The following NEBL variants were observed in gnomAD, a reference collection of about 807,000 sequenced individuals.
NEBL encodes the protein LIM and SH3 protein 2.
In NEBL, 122 loss-of-function variants were observed where a neutral mutation model predicts 140.2. The observed-to-expected ratio is 0.87, with a 90% CI of 0.75 to 1.01. NEBL has a LOEUF of 1.01. Ranked by LOEUF, NEBL falls within the 50% of genes least tolerant of loss-of-function variation. NEBL has a pLI of 0.00. For synonymous variants in NEBL, 436 were observed against 398.9 expected, an observed-to-expected ratio of 1.09 and a Z score of -1.11; for missense variants, 1,365 against 1,231.3, an observed-to-expected ratio of 1.11 and a Z score of -1.62.
At chr10:21,133,484 C>A (rs1839209947) in intron 2 of NEBL, among the ~76,000 whole-genome samples, 3 of 152,160 alleles carry the variant, frequency 2.0e-5, no homozygotes, top group African/African-American at 7.2e-5. Flanking sequence ...CATCTTAATT[C>A]TACAGGCTGT....
rs180801266 is a variant in NEBL at position 20,790,543 on chromosome 10, A to G, written c.2762-3235T>C. On this transcript the variant is annotated intron_variant, in intron 26 of 27. Coordinates refer to ENST00000377122, the MANE Select transcript of NEBL (RefSeq NM_006393.3). The stretch of plus-strand genomic sequence containing the variant: ...TTGAACCCAGGAGGAGGAGGTTGCA[A>G]TGAACCGAGATCATGCCACTGCACT... 1.8e-3 allele frequency among the ~76,000 whole-genome samples: 278 copies of G among 151,364 alleles called. 1 individual carries two copies. Among genetic ancestry groups the G allele is most frequent in the Admixed American group, 3.4e-3 (52 of 15,190 alleles).
intron 1 of NEBL, among the ~76,000 whole-genome samples, chr10:21,284,138 AG>A (rs1843026368): frequency 7.5e-6 from 1 of 132,876 alleles, no homozygotes; most frequent in African/African-American, 2.8e-5. Context: ...AGAACCCAGG[AG>A]GCAGAGGTTA....
At chr10:21,175,442 T>A (rs1841277481), upstream of NEBL, among the ~76,000 whole-genome samples, 1 of 152,206 alleles carries the variant, frequency 6.6e-6, no homozygotes, top group African/African-American at 2.4e-5. Flanking sequence ...GCGCACAGAT[T>A]AAGACTCAAT....
At chr10:20,964,438 C>T (rs906129983) in intron 3 of NEBL, among the ~76,000 whole-genome samples, 1 of 152,140 alleles carries the variant, frequency 6.6e-6, no homozygotes, top group African/African-American at 2.4e-5. Flanking sequence ...CCTCAAGAAG[C>T]TTCCAATCAT....
chr10:20,941,669 G>T (rs1215357445), intron 4 of NEBL, among the ~76,000 whole-genome samples: 2 of 151,666 alleles, frequency 1.3e-5, no homozygotes, highest in South Asian at 2.1e-4. Flanking sequence ...TGACATGATT[G>T]TATATCTAGA....
intron 2 of NEBL, among the ~76,000 whole-genome samples, chr10:21,097,224 G>GGC (rs1364933752): frequency 6.7e-6 from 1 of 149,116 alleles, no homozygotes; most frequent in African/African-American, 2.5e-5. Context: ...AGGTCCGGGG[G>GGC]GGGGGTGGGG....
chr10:21,069,586 T>C (rs1469249599), intron 2 of NEBL, among the ~76,000 whole-genome samples: 14 of 152,220 alleles, frequency 9.2e-5, no homozygotes, highest in Admixed American at 9.2e-4. Flanking sequence ...CCTGAATCTC[T>C]TCATCCTTCC....
chr10:21,059,645 G>A (rs997127698), intron 2 of NEBL, among the ~76,000 whole-genome samples: 1 of 152,122 alleles, frequency 6.6e-6, no homozygotes, highest in African/African-American at 2.4e-5. Flanking sequence ...TTCACACCAA[G>A]TTATTTTATT....
intron 21 of NEBL, 27 bp from the exon 22 acceptor site, chr10:20,815,744 AATACT>A (rs1838663231): frequency 7.2e-7 from 1 of 1,395,588 alleles, no homozygotes; most frequent in Non-Finnish European, 1.0e-6. Flanking sequence ...CAAAAAATAG[AATACT>A]ATGAATCAAT....
intron 2 of NEBL, among the ~76,000 whole-genome samples, chr10:21,167,525 T>A (rs45578840): frequency 2.7e-4 from 41 of 152,308 alleles, no homozygotes; most frequent in Middle Eastern, 3.4e-3. Flanking sequence ...TAACTTGACA[T>A]TTGGTGAGAA....
intron 3 of NEBL, among the ~76,000 whole-genome samples, chr10:21,226,627 A>G (rs954399440): frequency 6.6e-6 from 1 of 152,110 alleles, no homozygotes; most frequent in Non-Finnish European, 1.5e-5. Flanking sequence ...AGATCTGCCT[A>G]TGTTGCTTTC....
chr10:21,126,480 A>C (rs1157379828), intron 2 of NEBL, among the ~76,000 whole-genome samples: 1 of 152,232 alleles, frequency 6.6e-6, no homozygotes, highest in Non-Finnish European at 1.5e-5. Context: ...AGGGAAAAAA[A>C]CAAAAATAGT....
chr10:20,814,010 C>G lies in NEBL; in HGVS notation c.2275G>C (p.Gly759Arg), dbSNP rs148179937. 7 of 1,609,900 alleles carry G rather than the reference C, an allele frequency of 4.3e-6. No individual in the cohort carries two copies. The highest frequency in any genetic ancestry group is 6.0e-6 in the Non-Finnish European group (7 of 1,176,394). The change falls in exon 23 of 28, where the codon GGT becomes CGT. Residue 759 changes from glycine to arginine, a missense_variant. Transcript: ENST00000377122. ...GTATCTAAAATCAGACTTGGTCTACCTTTCATCTGTTTATGGTCCTGGGTA... is the reference window on the plus strand; with the variant it reads ...GTATCTAAAATCAGACTTGGTCTACGTTTCATCTGTTTATGGTCCTGGGTA... The part of the protein sequence containing the change: ...KYTQDHKQMK[G>R]RPSLILDTPA...
chr10:21,045,405 G>T (rs908995029), intron 2 of NEBL, among the ~76,000 whole-genome samples: 2 of 152,160 alleles, frequency 1.3e-5, no homozygotes. Flanking sequence ...ATGCATAAAT[G>T]TCATTGACTC....
intron 2 of NEBL, among the ~76,000 whole-genome samples, chr10:21,145,638 A>T (rs1280696222): frequency 6.6e-6 from 1 of 152,202 alleles, no homozygotes; most frequent in African/African-American, 2.4e-5. Context: ...GCACTCTGTA[A>T]GGATGAGGAA....
rs1564348713 is a variant in NEBL, at chr10:20,815,501, C to T, written c.2241+124G>A. On this transcript the variant is annotated intron_variant, in intron 22 of 27. Coordinates refer to ENST00000377122, the MANE Select transcript of NEBL (RefSeq NM_006393.3). The stretch of plus-strand genomic sequence containing the variant: ...GAAGTCATCTGAAATAACACATGTA[C>T]TTATTGGACACATCACAAATGTTTC... 7 of 783,760 alleles carry T rather than the reference C, an allele frequency of 8.9e-6. No individual in the cohort carries two copies. In the East Asian group the frequency reaches 1.8e-4, roughly 20 times the overall value. 48.6% of individuals were successfully genotyped at this position (783,760 alleles called of 1,614,324 possible).
intron 2 of NEBL, among the ~76,000 whole-genome samples, chr10:21,024,932 A>G (rs1838962439): frequency 6.6e-6 from 1 of 152,256 alleles, no homozygotes; most frequent in African/African-American, 2.4e-5. Context: ...AATCGGTAGC[A>G]CCATACAATT....
intron 2 of NEBL, among the ~76,000 whole-genome samples, chr10:21,155,521 G>A (rs1840305776): frequency 6.6e-6 from 1 of 152,120 alleles, no homozygotes; most frequent in Non-Finnish European, 1.5e-5. Context: ...ACAGATAAGT[G>A]ATAACATACA....
chr10:21,267,433 A>C (rs1372753304), intron 1 of NEBL, among the ~76,000 whole-genome samples: 2 of 152,146 alleles, frequency 1.3e-5, no homozygotes, highest in Non-Finnish European at 2.9e-5. Flanking sequence ...GATGTGTCTT[A>C]TTTGGATAGT....
Sources: gnomAD v4.1 joint callset for allele counts (sites outside exome capture counted in the v4.1 genomes callset) on GRCh38, gnomAD v4.1.1 for gene constraint, MANE v1.5 for transcripts, NCBI Gene and HGNC (gene_info 2026-07-23, HGNC 2026-07-21) for gene names.